MARCHF1: variants seen among roughly 807,000 people sequenced by gnomAD.
MARCHF1 encodes membrane associated ring-CH-type finger 1.
MARCHF1 carries 40 observed loss-of-function variants against 54.2 expected under a neutral mutation model. The observed-to-expected ratio is 0.74, with a 90% CI of 0.57 to 0.96. The LOEUF (loss-of-function observed/expected upper bound fraction) is 0.96, where lower values mean the gene tolerates loss of function less well. MARCHF1 is among the 40% of genes least tolerant of loss of function. MARCHF1 has a pLI of 0.00. For missense variants in MARCHF1, 586 were observed against 656.5 expected (o/e 0.89, Z 1.17); for synonymous variants, 236 against 236.3 (o/e 1.00, Z 0.01).
chr4:163,773,769 T>G (rs1747225210), intron 4 of MARCHF1, among the ~76,000 whole-genome samples: 1 of 152,192 alleles, frequency 6.6e-6, no homozygotes, highest in African/African-American at 2.4e-5. Flanking sequence ...TTAAGAAATT[T>G]CACATAATGT....
intron 3 of MARCHF1, among the ~76,000 whole-genome samples, chr4:163,985,139 T>C (rs1468767028): frequency 6.6e-6 from 1 of 152,060 alleles, no homozygotes; most frequent in Admixed American, 6.6e-5. Context: ...TACTGTATTA[T>C]GTTAAATTTT....
At chr4:163,954,075 A>G (rs1484437821) in intron 3 of MARCHF1, among the ~76,000 whole-genome samples, 1 of 152,224 alleles carries the variant, frequency 6.6e-6, no homozygotes. Context: ...GGTTGTGTAC[A>G]GTAAGCTCAG....
chr4:164,324,307 A>G (rs1339603768), intron 1 of MARCHF1, among the ~76,000 whole-genome samples: 2 of 151,890 alleles, frequency 1.3e-5, no homozygotes, highest in Non-Finnish European at 2.9e-5. Flanking sequence ...CTATTTAAAA[A>G]TCAACTAATA....
chr4:163,563,208 TTAA>T (rs1257060993), intron 8 of MARCHF1, among the ~76,000 whole-genome samples: 10 of 152,234 alleles, frequency 6.6e-5, no homozygotes, highest in African/African-American at 2.4e-4. Context: ...ATTATCTGCC[TTAA>T]TATTAATATT....
chr4:163,973,507 T>C (rs1347908431), intron 3 of MARCHF1, among the ~76,000 whole-genome samples: 1 of 152,246 alleles, frequency 6.6e-6, no homozygotes, highest in Non-Finnish European at 1.5e-5. Flanking sequence ...CAGCTTGCAT[T>C]ATTTTTTAAC....
At chr4:163,632,346 C>T (rs547179708) in intron 5 of MARCHF1, among the ~76,000 whole-genome samples, 11 of 152,312 alleles carry the variant, frequency 7.2e-5, no homozygotes, top group African/African-American at 2.6e-4. Flanking sequence ...GGGTTCATCT[C>T]ACTAGGTAGT....
intron 3 of MARCHF1, among the ~76,000 whole-genome samples, chr4:163,921,977 C>A (rs1468592114): frequency 1.3e-5 from 2 of 152,038 alleles, no homozygotes; most frequent in African/African-American, 4.8e-5. Context: ...CCCAAATGTC[C>A]AACAATGATA....
chr4:164,131,589 T>C (rs1347750055), intron 1 of MARCHF1, among the ~76,000 whole-genome samples: 1 of 152,156 alleles, frequency 6.6e-6, no homozygotes, highest in Non-Finnish European at 1.5e-5. Context: ...TTATTTTGTA[T>C]GATTATAGGC....
chr4:164,043,871 T>C (rs773248702), intron 2 of MARCHF1, among the ~76,000 whole-genome samples: 1 of 152,208 alleles, frequency 6.6e-6, no homozygotes, highest in Non-Finnish European at 1.5e-5. Flanking sequence ...TTCCACCAGA[T>C]GCCCTAAATC....
chr4:163,994,949 A>C (rs1240788306), intron 2 of MARCHF1, among the ~76,000 whole-genome samples: 1 of 152,136 alleles, frequency 6.6e-6, no homozygotes, highest in Non-Finnish European at 1.5e-5. Context: ...TTTACACAGA[A>C]GACTTCTGTG....
intron 1 of MARCHF1, among the ~76,000 whole-genome samples, chr4:164,340,930 A>AG (rs1729908843): frequency 6.6e-6 from 1 of 151,180 alleles, no homozygotes; most frequent in Non-Finnish European, 1.5e-5. Context: ...AAAAAAAAAA[A>AG]AAAAGTTACA....
At chr4:164,114,147 T>C (rs1755892073) in intron 1 of MARCHF1, among the ~76,000 whole-genome samples, 1 of 151,964 alleles carries the variant, frequency 6.6e-6, no homozygotes, top group Non-Finnish European at 1.5e-5. Context: ...CTTCAAAACA[T>C]ACGTTTATCT....
intron 1 of MARCHF1, among the ~76,000 whole-genome samples, chr4:164,195,435 A>G (rs1210540416): frequency 6.6e-6 from 1 of 152,214 alleles, no homozygotes; most frequent in East Asian, 1.9e-4. Flanking sequence ...TGGGTAAAAT[A>G]TAATCAAACT....
At chr4:163,560,859 A>G (rs553974115) in intron 8 of MARCHF1, among the ~76,000 whole-genome samples, 93 of 152,270 alleles carry the variant, frequency 6.1e-4, no homozygotes, top group African/African-American at 2.1e-3. Context: ...GTTTTTATAT[A>G]TTGAGCTTAC....
intron 4 of MARCHF1, among the ~76,000 whole-genome samples, chr4:163,780,422 T>A (rs1335809382): frequency 6.6e-6 from 1 of 152,226 alleles, no homozygotes; most frequent in Non-Finnish European, 1.5e-5. Context: ...ATTTATATTA[T>A]CCTTTTTCAT....
At chr4:164,231,492 T>C (rs1052024386) in intron 1 of MARCHF1, among the ~76,000 whole-genome samples, 1 of 152,186 alleles carries the variant, frequency 6.6e-6, no homozygotes, top group Non-Finnish European at 1.5e-5. Context: ...ATTGTTCATA[T>C]TTTGAAACGG....
chr4:164,288,533 T>C (rs1236607379), intron 1 of MARCHF1, among the ~76,000 whole-genome samples: 1 of 152,026 alleles, frequency 6.6e-6, no homozygotes, highest in East Asian at 1.9e-4. Flanking sequence ...AGTATGAGAA[T>C]TTCTATTAAT....
intron 8 of MARCHF1, among the ~76,000 whole-genome samples, chr4:163,561,299 T>C (rs1206446935): frequency 1.3e-5 from 2 of 152,198 alleles, no homozygotes; most frequent in Admixed American, 6.5e-5. Context: ...ATTTTTTCTA[T>C]GCCTTCTTCT....
chr4:164,065,268 T>C (rs1450701294), intron 2 of MARCHF1, among the ~76,000 whole-genome samples: 1 of 152,178 alleles, frequency 6.6e-6, no homozygotes, highest in Admixed American at 6.5e-5. Context: ...CAGCTATGAA[T>C]CTGTCTGGTC....
Sources: allele counts gnomAD v4.1 joint callset (sites outside exome capture counted in the v4.1 genomes callset), GRCh38; gene constraint gnomAD v4.1.1; transcripts MANE v1.5; gene names NCBI Gene and HGNC (gene_info 2026-07-23, HGNC 2026-07-21).